Variants in SLC24A2 observed in about 807,000 individuals in gnomAD.
SLC24A2 encodes solute carrier family 24 member 2.
A neutral mutation model predicts 62.0 loss-of-function variants in SLC24A2; 36 were observed. The ratio of observed to expected loss-of-function variants is 0.58; its 90% CI spans 0.44 to 0.77. SLC24A2 has a LOEUF of 0.77. Ranked by LOEUF, SLC24A2 falls within the 30% of genes least tolerant of loss-of-function variation. The pLI, the probability that SLC24A2 is intolerant of heterozygous loss-of-function variation, is 0.00. For missense variants in SLC24A2, 846 were observed against 817.9 expected, an observed-to-expected ratio of 1.03 and a Z score of -0.42; for synonymous variants, 358 against 294.0, an observed-to-expected ratio of 1.22 and a Z score of -2.23.
chr9:20,232,401 C>T, the SLC24A2 span, among the ~76,000 whole-genome samples: 34 of 152,278 alleles, frequency 2.2e-4, no homozygotes, highest in South Asian at 5.2e-3. Flanking sequence ...TGATTATTGC[C>T]TCAATTTCAG....
the SLC24A2 span, among the ~76,000 whole-genome samples, chr9:19,851,575 G>A: frequency 7.2e-4 from 110 of 152,154 alleles, no homozygotes; most frequent in East Asian, 5.2e-3. Flanking sequence ...GAGAACCTGT[G>A]GTGCTTGGTT....
the SLC24A2 span, among the ~76,000 whole-genome samples, chr9:19,871,015 C>CT: frequency 1.2e-4 from 18 of 151,054 alleles, no homozygotes; most frequent in African/African-American, 3.1e-4. Flanking sequence ...ATTTTAGTTT[C>CT]TTTTTTTTTC....
chr9:19,609,045 A>G (rs1214865094), intron 4 of SLC24A2, among the ~76,000 whole-genome samples: 1 of 152,224 alleles, frequency 6.6e-6, no homozygotes, highest in African/African-American at 2.4e-5. Context: ...ACTTCCCTGA[A>G]GGCCCTTCCT....
intron 2 of SLC24A2, among the ~76,000 whole-genome samples, chr9:19,630,946 T>G (rs557274081): frequency 6.6e-6 from 1 of 152,310 alleles, no homozygotes; most frequent in African/African-American, 2.4e-5. Context: ...AGATGAGTTA[T>G]AAAAGTGGGA....
At chr9:19,897,456 C>A in the SLC24A2 span, among the ~76,000 whole-genome samples, 3 of 152,002 alleles carry the variant, frequency 2.0e-5, no homozygotes, top group Non-Finnish European at 2.9e-5. Flanking sequence ...AGGAAGCAAA[C>A]CCAGAGCAAT....
the SLC24A2 span, among the ~76,000 whole-genome samples, chr9:19,958,557 G>C: frequency 6.6e-6 from 1 of 152,184 alleles, no homozygotes; most frequent in Non-Finnish European, 1.5e-5. Flanking sequence ...CACGTGCTGT[G>C]CAAGTCTAGG....
chr9:20,013,703 A>C, the SLC24A2 span, among the ~76,000 whole-genome samples: 1 of 152,256 alleles, frequency 6.6e-6, no homozygotes, highest in African/African-American at 2.4e-5. Context: ...GTTAATATCC[A>C]AAATATATAA....
At chr9:19,690,141 A>ATCTC (rs35555424) in intron 2 of SLC24A2, among the ~76,000 whole-genome samples, 1 of 151,430 alleles carries the variant, frequency 6.6e-6, no homozygotes. Flanking sequence ...CTTATAGTAA[A>ATCTC]TCTCTCTCTC....
chr9:20,084,920 T>C, the SLC24A2 span, among the ~76,000 whole-genome samples: 2 of 152,054 alleles, frequency 1.3e-5, no homozygotes, highest in Admixed American at 6.6e-5. Flanking sequence ...CTACAGGAGA[T>C]TGGGAAAGGA....
intron 2 of SLC24A2, among the ~76,000 whole-genome samples, chr9:19,653,365 T>C (rs529827893): frequency 1.9e-4 from 29 of 152,292 alleles, no homozygotes; most frequent in Non-Finnish European, 3.8e-4. Flanking sequence ...CCTCTTGAGA[T>C]TGGGGACTCA....
the SLC24A2 span, chr9:19,926,053 G>A: frequency 5.9e-5 from 9 of 152,134 alleles, no homozygotes; most frequent in Non-Finnish European, 1.3e-4. Flanking sequence ...TTTGGCTCGA[G>A]TTACCCTTTG....
chr9:19,597,267 T>C lies in SLC24A2; in HGVS notation c.1091A>G (p.Tyr364Cys), dbSNP rs767275240. ...TGTGTCATAATATTTTAGTTTTCCA[T>C]ATGATCCAAGTTCTACAACATCACA... ...LDPLAEELGS[Y>C]GKLKYYDTMT... The change falls in exon 5 of 11, where the codon TAT (tyrosine) becomes TGT (cysteine). Residue 364 changes from tyrosine to cysteine, a missense_variant. By Grantham distance (194) the Tyr-to-Cys change is radical. Coordinates refer to ENST00000341998, the MANE Select transcript of SLC24A2 (RefSeq NM_020344.4). 6.3e-7 allele frequency: 1 copy of C among 1,582,200 alleles called. No homozygotes were observed. Among genetic ancestry groups the C allele is most frequent in the Non-Finnish European group, 8.7e-7 (1 of 1,151,076 alleles).
chr9:19,956,178 C>T, the SLC24A2 span, among the ~76,000 whole-genome samples: 1 of 152,218 alleles, frequency 6.6e-6, no homozygotes, highest in East Asian at 1.9e-4. Context: ...AGATCTCAAA[C>T]AGATCCTAGG....
chr9:19,613,670 CAAT>C (rs963500178), intron 4 of SLC24A2, among the ~76,000 whole-genome samples: 2 of 152,196 alleles, frequency 1.3e-5, no homozygotes, highest in South Asian at 2.1e-4. Context: ...ATATCAATAA[CAAT>C]AATAATAAAA....
At chr9:20,216,043 T>C in the SLC24A2 span, among the ~76,000 whole-genome samples, 2 of 152,212 alleles carry the variant, frequency 1.3e-5, no homozygotes, top group African/African-American at 4.8e-5. Context: ...GGGAAACCCA[T>C]TAATTAATAG....
At chr9:20,085,191 A>G in the SLC24A2 span, among the ~76,000 whole-genome samples, 1 of 152,052 alleles carries the variant, frequency 6.6e-6, no homozygotes, top group Non-Finnish European at 1.5e-5. Context: ...TAGACACATT[A>G]TCTCCCTATG....
the SLC24A2 span, among the ~76,000 whole-genome samples, chr9:20,023,605 T>C: frequency 1.1e-3 from 160 of 152,310 alleles, 3 homozygotes; most frequent in African/African-American, 3.7e-3. Flanking sequence ...CAAAGTACCT[T>C]TTCTCAGATC....
At chr9:19,667,017 G>A (rs557520302) in intron 2 of SLC24A2, among the ~76,000 whole-genome samples, 1 of 152,192 alleles carries the variant, frequency 6.6e-6, no homozygotes, top group South Asian at 2.1e-4. Context: ...TTTAATATTT[G>A]TATAACTGGG....
At chr9:19,552,015 G>A (rs913222024) in intron 7 of SLC24A2, among the ~76,000 whole-genome samples, 1 of 152,198 alleles carries the variant, frequency 6.6e-6, no homozygotes, top group South Asian at 2.1e-4. Flanking sequence ...TGGAATTAAA[G>A]GGATTAGGTA....
Sources: gnomAD v4.1 joint callset for allele counts (sites outside exome capture counted in the v4.1 genomes callset) on GRCh38, gnomAD v4.1.1 for gene constraint, MANE v1.5 for transcripts, NCBI Gene and HGNC (gene_info 2026-07-23, HGNC 2026-07-21) for gene names.